Variants in TAFA4 observed in about 807,000 individuals in gnomAD.
TAFA4 encodes chemokine-like protein TAFA-4.
In TAFA4, 20 loss-of-function variants were observed where a neutral mutation model predicts 21.1. That is an observed-to-expected ratio of 0.95 (90% CI 0.67 to 1.38). The LOEUF (loss-of-function observed/expected upper bound fraction) is 1.38, where lower values mean the gene tolerates loss of function less well. Among genes scored for constraint, TAFA4 ranks in the 40% most tolerant of loss-of-function variants. The probability of loss-of-function intolerance (pLI) is 0.00; values close to 1 mark genes in which losing one functional copy is unlikely to be tolerated. For missense variants in TAFA4, 211 were observed against 180.9 expected, an observed-to-expected ratio of 1.17 and a Z score of -0.95; for synonymous variants, 71 against 67.4, an observed-to-expected ratio of 1.05 and a Z score of -0.26.
At chr3:68,891,588 C>T (rs1028144289) in intron 1 of TAFA4, among the ~76,000 whole-genome samples, 2 of 152,190 alleles carry the variant, frequency 1.3e-5, no homozygotes, top group Non-Finnish European at 2.9e-5. Context: ...AGGTGACACC[C>T]TAAAGCGTTT....
intron 3 of TAFA4, among the ~76,000 whole-genome samples, chr3:68,821,938 G>A (rs757511691): frequency 7.9e-5 from 12 of 152,074 alleles, no homozygotes; most frequent in Non-Finnish European, 1.0e-4. Context: ...ATGCTTCTCC[G>A]GTAATTCTGC....
intron 3 of TAFA4, among the ~76,000 whole-genome samples, chr3:68,827,728 G>A (rs1445372935): frequency 6.6e-6 from 1 of 151,378 alleles, no homozygotes; most frequent in East Asian, 1.9e-4. Context: ...CTTTTTAACG[G>A]GGTTGTTTTT....
At chr3:68,795,086 T>C (rs1254291663) in intron 3 of TAFA4, among the ~76,000 whole-genome samples, 1 of 150,796 alleles carries the variant, frequency 6.6e-6, no homozygotes, top group African/African-American at 2.4e-5. Flanking sequence ...AGATAAATAA[T>C]ACTTTATATG....
chr3:68,789,556 C>A (rs1015129750), intron 3 of TAFA4, among the ~76,000 whole-genome samples: 2 of 152,060 alleles, frequency 1.3e-5, no homozygotes, highest in Admixed American at 1.3e-4. Flanking sequence ...TTTTATTTGT[C>A]AATTGTGCCT....
chr3:68,871,002 G>C (rs1452030985), intron 3 of TAFA4, among the ~76,000 whole-genome samples: 3 of 152,006 alleles, frequency 2.0e-5, no homozygotes, highest in Admixed American at 2.0e-4. Context: ...TATTTGGGTT[G>C]GTTCCAAAAT....
intron 3 of TAFA4, among the ~76,000 whole-genome samples, chr3:68,812,955 C>A (rs897358599): frequency 6.6e-6 from 1 of 152,088 alleles, no homozygotes; most frequent in African/African-American, 2.4e-5. Context: ...TGTAAAAGAA[C>A]AGAAATTATA....
Position 68,732,429 on chromosome 3 carries a change from G to C in TAFA4, c.*713C>G, listed in dbSNP as rs1279617774. On this transcript the variant is annotated 3_prime_UTR_variant, in exon 6 of 6. Transcript: ENST00000295569. Reference sequence around the variant, plus strand: ...TATAAATATGTTCTGATAGAGCTTTGGTTATAAAATATTGGAATTGATATG... The same window carrying C: ...TATAAATATGTTCTGATAGAGCTTTCGTTATAAAATATTGGAATTGATATG... 1 of 152,350 alleles carries C rather than the reference G, an allele frequency of 6.6e-6. No homozygotes were observed. The highest frequency in any genetic ancestry group is 1.5e-5 in the Non-Finnish European group (1 of 67,984). 9.4% of individuals were successfully genotyped at this position (152,350 alleles called of 1,614,324 possible). A position where few individuals can be genotyped will look rare whatever the true frequency, so the allele number is the denominator to read the frequency against.
intron 3 of TAFA4, among the ~76,000 whole-genome samples, chr3:68,793,341 G>A (rs766114799): frequency 1.8e-4 from 27 of 152,134 alleles, no homozygotes; most frequent in Non-Finnish European, 3.1e-4. Context: ...GCACTCAGAC[G>A]GCTATTGCTC....
intron 3 of TAFA4, among the ~76,000 whole-genome samples, chr3:68,807,786 T>A (rs115513861): frequency 6.6e-6 from 1 of 152,170 alleles, no homozygotes; most frequent in Non-Finnish European, 1.5e-5. Context: ...CTACATAAGA[T>A]TGCTTTGTAT....
chr3:68,862,449 A>G (rs1420038730), intron 3 of TAFA4, among the ~76,000 whole-genome samples: 3 of 152,174 alleles, frequency 2.0e-5, no homozygotes, highest in Non-Finnish European at 4.4e-5. Context: ...AGCATACCAC[A>G]TAATGGTTCT....
At chr3:68,807,859 T>G (rs1329303637) in intron 3 of TAFA4, among the ~76,000 whole-genome samples, 1 of 152,216 alleles carries the variant, frequency 6.6e-6, no homozygotes, top group Non-Finnish European at 1.5e-5. Context: ...TTCACAAAGA[T>G]TTGACATATA....
intron 1 of TAFA4, among the ~76,000 whole-genome samples, chr3:68,891,316 C>T (rs1364473614): frequency 6.6e-6 from 1 of 152,186 alleles, no homozygotes; most frequent in Non-Finnish European, 1.5e-5. Flanking sequence ...ACAGAATCTG[C>T]TTAATAACAA....
At chr3:68,794,961 C>T (rs1462907131) in intron 3 of TAFA4, among the ~76,000 whole-genome samples, 1 of 150,022 alleles carries the variant, frequency 6.7e-6, no homozygotes, top group Non-Finnish European at 1.5e-5. Flanking sequence ...TGTTAGAAAG[C>T]CTAAACTAAG....
intron 3 of TAFA4, among the ~76,000 whole-genome samples, chr3:68,866,420 G>A (rs1476258014): frequency 6.6e-6 from 1 of 151,922 alleles, no homozygotes; most frequent in Non-Finnish European, 1.5e-5. Context: ...ACAGGCAACT[G>A]CAAAGAACCT....
intron 3 of TAFA4, among the ~76,000 whole-genome samples, chr3:68,783,213 G>T (rs1703182858): frequency 6.6e-6 from 1 of 151,846 alleles, no homozygotes; most frequent in African/African-American, 2.4e-5. Flanking sequence ...CTAAGACTGG[G>T]AACAAAGCAG....
At chr3:68,886,412 TAA>T (rs1482680115) in intron 1 of TAFA4, among the ~76,000 whole-genome samples, 1 of 152,222 alleles carries the variant, frequency 6.6e-6, no homozygotes, top group East Asian at 1.9e-4. Context: ...CCAACTTTAT[TAA>T]GTGTGTTTGT....
chr3:68,769,236 A>G (rs1410811145), intron 3 of TAFA4, among the ~76,000 whole-genome samples: 1 of 152,164 alleles, frequency 6.6e-6, no homozygotes, highest in Non-Finnish European at 1.5e-5. Context: ...CTAATGCCTG[A>G]TGATCTGTCA....
chr3:68,824,990 G>A (rs1293791731), intron 3 of TAFA4, among the ~76,000 whole-genome samples: 1 of 152,132 alleles, frequency 6.6e-6, no homozygotes, highest in Non-Finnish European at 1.5e-5. Context: ...TTTTTATTAA[G>A]TTCTGGGGTA....
intron 3 of TAFA4, among the ~76,000 whole-genome samples, chr3:68,769,420 C>T (rs137925054): frequency 3.0e-4 from 46 of 152,264 alleles, no homozygotes; most frequent in Middle Eastern, 3.4e-3. Flanking sequence ...TTCCCCAAAC[C>T]ATCCTCCCAT....
Sources: gnomAD v4.1 joint callset for allele counts (sites outside exome capture counted in the v4.1 genomes callset) on GRCh38, gnomAD v4.1.1 for gene constraint, MANE v1.5 for transcripts, NCBI Gene and HGNC (gene_info 2026-07-23, HGNC 2026-07-21) for gene names.